Variants in ANKS1B observed in about 807,000 individuals in gnomAD.
The protein encoded by ANKS1B is ankyrin repeat and sterile alpha motif domain-containing protein 1B.
ANKS1B carries 36 observed loss-of-function variants against 148.3 expected under a neutral mutation model. The ratio of observed to expected loss-of-function variants is 0.24; its 90% CI spans 0.19 to 0.32. ANKS1B has a LOEUF of 0.32. ANKS1B is among the 10% of genes least tolerant of loss of function. The pLI is 1.00. For synonymous variants in ANKS1B, 542 were observed against 560.8 expected, an observed-to-expected ratio of 0.97 and a Z score of 0.47; for missense variants, 1,157 against 1,542.6, an observed-to-expected ratio of 0.75 and a Z score of 4.19.
At chr12:99,165,788 A>G (rs762448385) in intron 14 of ANKS1B, among the ~76,000 whole-genome samples, 27 of 151,952 alleles carry the variant, frequency 1.8e-4, no homozygotes, top group Non-Finnish European at 1.5e-4. Flanking sequence ...TGAAGCCAGC[A>G]TTATTTTGAT....
intron 15 of ANKS1B, among the ~76,000 whole-genome samples, chr12:99,146,625 T>C (rs2073207929): frequency 6.6e-6 from 1 of 152,164 alleles, no homozygotes; most frequent in Non-Finnish European, 1.5e-5. Context: ...GATCGTGCTC[T>C]GAACAGCCTC....
intron 8 of ANKS1B, among the ~76,000 whole-genome samples, chr12:99,758,500 C>T (rs1430200843): frequency 6.6e-6 from 1 of 151,798 alleles, no homozygotes; most frequent in East Asian, 1.9e-4. Context: ...TCACAACAAT[C>T]CTGCAAGGTA....
chr12:98,758,780 C>CTT (rs59375322), intron 25 of ANKS1B, among the ~76,000 whole-genome samples: 2,214 of 120,602 alleles, frequency 0.018, 93 homozygotes, highest in African/African-American at 0.055. Flanking sequence ...CTTTTCCTTC[C>CTT]TTTTTTTTTT....
chr12:99,970,134 C>G (rs1219253731), intron 1 of ANKS1B, among the ~76,000 whole-genome samples: 1 of 152,078 alleles, frequency 6.6e-6, no homozygotes, highest in Non-Finnish European at 1.5e-5. Context: ...TAAGAATGTT[C>G]TAGGGGGTTG....
intron 17 of ANKS1B, among the ~76,000 whole-genome samples, chr12:98,942,112 G>A (rs1054156604): frequency 2.0e-5 from 3 of 151,866 alleles, no homozygotes; most frequent in African/African-American, 7.3e-5. Context: ...ATGGTGGTAT[G>A]TGCCTGTAAT....
At chr12:98,760,585 G>A (rs1474497779) in intron 25 of ANKS1B, among the ~76,000 whole-genome samples, 1 of 152,210 alleles carries the variant, frequency 6.6e-6, no homozygotes, top group African/African-American at 2.4e-5. Flanking sequence ...CTCTCTGCAG[G>A]TGCTGTCATG....
At chr12:99,579,797 C>T (rs779709055) in intron 9 of ANKS1B, among the ~76,000 whole-genome samples, 2 of 152,142 alleles carry the variant, frequency 1.3e-5, no homozygotes, top group African/African-American at 2.4e-5. Context: ...CTGGAAATTT[C>T]TCAAAGAATT....
In ANKS1B at chr12:98,745,787, T is replaced by C. The variant is rs1156474999; in HGVS notation, c.3810A>G (p.Gln1270=). 2 of 1,613,788 alleles carry C rather than the reference T, an allele frequency of 1.2e-6. No individual in the cohort carries two copies. Among genetic ancestry groups the C allele is most frequent in the South Asian group, 2.2e-5 (2 of 91,054 alleles). ...ANLPWIVEPG[Q]EAKRGINTKY... ...TGGTATTAATGCCCCTCTTGGCTTCTTGGCCCGGCTCCACAATCCACGGTA... is the reference window on the plus strand; with the variant it reads ...TGGTATTAATGCCCCTCTTGGCTTCCTGGCCCGGCTCCACAATCCACGGTA... Residue 1270 remains glutamine, a synonymous_variant, in exon 27 of 27, where the codon CAA becomes CAG. Coordinates refer to ENST00000683438, the MANE Select transcript of ANKS1B (RefSeq NM_001352186.2).
At chr12:98,772,772 G>A (rs1474290573) in intron 25 of ANKS1B, among the ~76,000 whole-genome samples, 1 of 152,182 alleles carries the variant, frequency 6.6e-6, no homozygotes, top group Non-Finnish European at 1.5e-5. Context: ...ACAAGGCAGG[G>A]AGAGAGGCCT....
chr12:98,972,335 G>A (rs555792710), intron 17 of ANKS1B, among the ~76,000 whole-genome samples: 1 of 152,278 alleles, frequency 6.6e-6, no homozygotes, highest in Non-Finnish European at 1.5e-5. Context: ...TTTGAGATAG[G>A]TTTATTCACT....
At chr12:99,813,680 C>A (rs1211880500) in intron 2 of ANKS1B, among the ~76,000 whole-genome samples, 1 of 151,500 alleles carries the variant, frequency 6.6e-6, no homozygotes, top group Non-Finnish European at 1.5e-5. Context: ...TGTAAGAAAT[C>A]ATGATTTTAA....
At chr12:99,340,168 G>C (rs2089665777) in intron 12 of ANKS1B, among the ~76,000 whole-genome samples, 1 of 152,040 alleles carries the variant, frequency 6.6e-6, no homozygotes, top group Admixed American at 6.6e-5. Flanking sequence ...TCATTAGCCT[G>C]CTCCAAGTTG....
intron 8 of ANKS1B, among the ~76,000 whole-genome samples, chr12:99,679,059 G>C (rs2098598781): frequency 1.3e-5 from 2 of 152,140 alleles, no homozygotes; most frequent in Non-Finnish European, 2.9e-5. Flanking sequence ...CTGAAGAAAA[G>C]TAATTTTGTG....
intron 8 of ANKS1B, among the ~76,000 whole-genome samples, chr12:99,698,823 C>G (rs547054941): frequency 2.0e-5 from 3 of 151,986 alleles, no homozygotes; most frequent in Admixed American, 6.6e-5. Flanking sequence ...AAATTACCAT[C>G]GATTTCTCTC....
At chr12:99,010,798 T>C (rs112800205) in intron 17 of ANKS1B, among the ~76,000 whole-genome samples, 2,284 of 150,820 alleles carry the variant, frequency 0.015, 59 homozygotes, top group African/African-American at 0.053. Flanking sequence ...GTTGCCCAGA[T>C]TGGAGTGCAG....
At chr12:99,865,294 G>A (rs760482433) in intron 1 of ANKS1B, among the ~76,000 whole-genome samples, 2 of 152,144 alleles carry the variant, frequency 1.3e-5, no homozygotes, top group Non-Finnish European at 2.9e-5. Context: ...GCTAACTAGT[G>A]TCATGTTATT....
At chr12:99,148,472 C>T (rs2073909482) in intron 15 of ANKS1B, among the ~76,000 whole-genome samples, 1 of 151,830 alleles carries the variant, frequency 6.6e-6, no homozygotes, top group Non-Finnish European at 1.5e-5. Context: ...CACATGCCCT[C>T]ATTTCTGACT....
At chr12:99,330,401 C>T (rs2087279616) in intron 12 of ANKS1B, among the ~76,000 whole-genome samples, 1 of 151,916 alleles carries the variant, frequency 6.6e-6, no homozygotes, top group Non-Finnish European at 1.5e-5. Context: ...AGATATGGCC[C>T]TGCCATCTTT....
chr12:99,633,909 T>A (rs536360258), intron 9 of ANKS1B, among the ~76,000 whole-genome samples: 1 of 152,334 alleles, frequency 6.6e-6, no homozygotes, highest in African/African-American at 2.4e-5. Flanking sequence ...GTCTACCATA[T>A]GCCTGTATAA....
Sources: allele counts gnomAD v4.1 joint callset (sites outside exome capture counted in the v4.1 genomes callset), GRCh38; gene constraint gnomAD v4.1.1; transcripts MANE v1.5; gene names NCBI Gene and HGNC (gene_info 2026-07-23, HGNC 2026-07-21).